The following TCF25 variants were observed in gnomAD, a reference collection of about 807,000 sequenced individuals.
TCF25 encodes the protein ribosome quality control complex subunit TCF25.
Under a neutral mutation model 83.1 loss-of-function variants are expected in TCF25, and 41 were observed. The ratio of observed to expected loss-of-function variants is 0.49; its 90% CI spans 0.38 to 0.64. The LOEUF (loss-of-function observed/expected upper bound fraction) is 0.64, where lower values mean the gene tolerates loss of function less well. TCF25 is among the 30% of genes least tolerant of loss of function. The pLI is 0.00. For synonymous variants in TCF25, 458 were observed against 365.0 expected (o/e 1.25, Z -2.90); for missense variants, 979 against 914.5 (o/e 1.07, Z -0.91).
At chr16:89,881,919 C>T (rs927991849) in intron 1 of TCF25, among the ~76,000 whole-genome samples, 7 of 151,710 alleles carry the variant, frequency 4.6e-5, no homozygotes, top group African/African-American at 1.2e-4. Context: ...TGCACCTGGC[C>T]GATTTTTTTA....
chr16:89,892,829 T>G (rs2144112736), intron 6 of TCF25, among the ~76,000 whole-genome samples: 1 of 152,292 alleles, frequency 6.6e-6, no homozygotes, highest in East Asian at 1.9e-4. Context: ...GTGGGGGCCC[T>G]CAGGGGCCAG....
At chr16:89,873,888 TG>T (rs1286271354) in intron 1 of TCF25, 29 bp downstream of exon 1, 19 of 482,232 alleles carry the variant, frequency 3.9e-5, no homozygotes, top group Admixed American at 9.4e-5. Context: ...CGGGTGGGGG[TG>T]GGGTGGCCCT....
At chr16:89,886,157 G>C (rs1401030424) in intron 4 of TCF25, 191 bp downstream of exon 4, 4 of 601,174 alleles carry the variant, frequency 6.7e-6, no homozygotes, top group East Asian at 3.5e-5. Flanking sequence ...GCTGGGCGTG[G>C]TGGCTCACGC....
At chr16:89,892,578 T>G (rs532277791) in intron 6 of TCF25, among the ~76,000 whole-genome samples, 2 of 152,354 alleles carry the variant, frequency 1.3e-5, no homozygotes, top group East Asian at 3.9e-4. Flanking sequence ...AGGCACAGTC[T>G]TTGTGTGACT....
intron 9 of TCF25, among the ~76,000 whole-genome samples, chr16:89,898,355 C>T (rs994966231): frequency 1.0e-4 from 14 of 136,604 alleles, no homozygotes; most frequent in Admixed American, 3.6e-4. Flanking sequence ...TGGGGTGGAG[C>T]GGGTGTTGAC....
chr16:89,882,382 T>A (rs1027659905), intron 1 of TCF25, among the ~76,000 whole-genome samples: 1 of 151,442 alleles, frequency 6.6e-6, no homozygotes, highest in Non-Finnish European at 1.5e-5. Flanking sequence ...CAAAAAAATT[T>A]AAAAAATTAG....
Position 89,883,618 on chromosome 16 carries a change from G to A in TCF25, c.354+106G>A, listed in dbSNP as rs1013343575. ...TTTCCTTGGAGGTGTAATTTTCCGAGTTCCATTTTGGTTACCTGCTAGTTG... is the reference window on the plus strand; with the variant it reads ...TTTCCTTGGAGGTGTAATTTTCCGAATTCCATTTTGGTTACCTGCTAGTTG... On this transcript the variant is annotated intron_variant, in intron 2 of 17. Coordinates refer to ENST00000263346, the MANE Select transcript of TCF25 (RefSeq NM_014972.3). 19 of 1,382,424 alleles carry A rather than the reference G, an allele frequency of 1.4e-5. No individual in the cohort carries two copies. The Admixed American group carries it at 1.9e-4, about 14-fold the overall frequency. 85.6% of individuals were successfully genotyped at this position (1,382,424 alleles called of 1,614,324 possible). A position where few individuals can be genotyped will look rare whatever the true frequency, so the allele number is the denominator to read the frequency against.
intron 16 of TCF25, among the ~76,000 whole-genome samples, chr16:89,907,883 A>T (rs201895484): frequency 4.4e-5 from 3 of 68,608 alleles, no homozygotes; most frequent in Non-Finnish European, 2.7e-5. Context: ...CCCAGTTCCC[A>T]CCTCCCAGCT....
intron 13 of TCF25, chr16:89,904,563 G>C (rs985694711): frequency 3.5e-5 from 17 of 487,524 alleles, no homozygotes; most frequent in Non-Finnish European, 5.7e-5. Flanking sequence ...CTGGGTGATG[G>C]TGAGACCCCG....
At chr16:89,904,837 C>G (rs2044641947) in intron 13 of TCF25, 101 bp from the exon 14 acceptor site, 3 of 1,431,650 alleles carry the variant, frequency 2.1e-6, no homozygotes, top group Non-Finnish European at 1.9e-6. Flanking sequence ...CCACAGGGCA[C>G]TCCCTGGACC....
At chr16:89,894,025 T>A in intron 7 of TCF25, 167 bp downstream of exon 7, 1 of 1,009,398 alleles carries the variant, frequency 9.9e-7, no homozygotes, top group Non-Finnish European at 1.4e-6. Flanking sequence ...CAGAAGGAGA[T>A]GTGTTCGGAG....
intron 1 of TCF25, among the ~76,000 whole-genome samples, chr16:89,879,159 G>T (rs564729354): frequency 6.7e-6 from 1 of 150,256 alleles, no homozygotes; most frequent in Admixed American, 6.6e-5. Context: ...CGTGCTGTTC[G>T]TGTACACAGA....
At chr16:89,892,168 T>C (rs1186930782) in intron 5 of TCF25, 25 bp from the exon 6 acceptor site, 5 of 1,585,748 alleles carry the variant, frequency 3.2e-6, no homozygotes, top group Admixed American at 3.5e-5. Flanking sequence ...GAAGTAAAGC[T>C]GTACCTGTGT....
chr16:89,896,779 C>A (rs993501448), intron 9 of TCF25, among the ~76,000 whole-genome samples: 1 of 152,108 alleles, frequency 6.6e-6, no homozygotes, highest in Non-Finnish European at 1.5e-5. Context: ...TGGTCTCCAT[C>A]TCCTGACCTT....
At chr16:89,874,335 G>A (rs1438486594) in intron 1 of TCF25, among the ~76,000 whole-genome samples, 4 of 151,886 alleles carry the variant, frequency 2.6e-5, no homozygotes, top group Non-Finnish European at 5.9e-5. Flanking sequence ...GCGAGGCGAT[G>A]GCGTGGGCGG....
In TCF25 at chr16:89,910,415, G is replaced by C. The variant is rs540428479; in HGVS notation, c.1800-176G>C. On this transcript the variant is annotated intron_variant, in intron 16 of 17. Transcript: ENST00000263346. ...AGCCCCACCCTAAGCTGATGAGGAA[G>C]CCTCACGGGCCACCCGGGGAATCCA... 147 of 638,796 alleles carry C rather than the reference G, an allele frequency of 2.3e-4. 1 individual carries two copies. The highest frequency in any genetic ancestry group is 8.3e-4 in the Admixed American group (32 of 38,648). The allele number at this position is 638,796 out of a possible 1,614,324, so 39.6% of individuals were successfully genotyped here.
chr16:89,907,912 G>C (rs1333339411), intron 16 of TCF25, among the ~76,000 whole-genome samples: 3 of 54,224 alleles, frequency 5.5e-5, no homozygotes, highest in Non-Finnish European at 1.0e-4. Flanking sequence ...CCACCTCCCA[G>C]CTCCTGCCTC....
rs2042966165 is a variant in TCF25 at position 89,885,864 on chromosome 16, A to G, written c.446A>G (p.Asp149Gly). ...TGEASENGLE[D>G]IDRILERIED... is the part of the protein sequence containing the mutation. ...GGCTTTTAGGAAAACGGACTAGAAGATATCGATCGCATCCTAGAGAGGATT... is the reference window on the plus strand; with the variant it reads ...GGCTTTTAGGAAAACGGACTAGAAGGTATCGATCGCATCCTAGAGAGGATT... Residue 149 changes from aspartate to glycine, a missense_variant, in exon 4 of 18, where the codon GAT (aspartate) becomes GGT (glycine). Coordinates refer to ENST00000263346, the MANE Select transcript of TCF25 (RefSeq NM_014972.3). 1 of 1,612,538 alleles carries G rather than the reference A, an allele frequency of 6.2e-7. No individual in the cohort carries two copies. Among genetic ancestry groups the G allele is most frequent in the Non-Finnish European group, 8.5e-7 (1 of 1,178,618 alleles).
intron 3 of TCF25, among the ~76,000 whole-genome samples, chr16:89,885,376 C>A (rs1488700193): frequency 6.6e-6 from 1 of 152,206 alleles, no homozygotes; most frequent in Non-Finnish European, 1.5e-5. Context: ...ACCCGTGGGA[C>A]ACTTGCTGTT....
Sources: allele counts gnomAD v4.1 joint callset (sites outside exome capture counted in the v4.1 genomes callset), GRCh38; gene constraint gnomAD v4.1.1; transcripts MANE v1.5; gene names NCBI Gene and HGNC (gene_info 2026-07-23, HGNC 2026-07-21).